Variants in CCDC91 observed in about 807,000 individuals in gnomAD.
CCDC91 encodes the protein coiled-coil domain-containing protein 91.
A neutral mutation model predicts 63.2 loss-of-function variants in CCDC91; 48 were observed. The observed-to-expected ratio is 0.76, with a 90% CI of 0.60 to 0.97. The LOEUF (loss-of-function observed/expected upper bound fraction) is 0.97. CCDC91 is among the 50% of genes least tolerant of loss of function. CCDC91 has a pLI of 0.00. For synonymous variants in CCDC91, 167 were observed against 165.8 expected (o/e 1.01, Z -0.06); for missense variants, 500 against 494.6 (o/e 1.01, Z -0.10).
At chr12:28,458,947 CTA>C (rs1566006830) in intron 11 of CCDC91, among the ~76,000 whole-genome samples, 1 of 151,956 alleles carries the variant, frequency 6.6e-6, no homozygotes, top group East Asian at 1.9e-4. Context: ...TCCCTGTAGC[CTA>C]TAAGATAAAA....
At chr12:28,459,122 T>C (rs188498856) in intron 11 of CCDC91, among the ~76,000 whole-genome samples, 549 of 152,212 alleles carry the variant, frequency 3.6e-3, no homozygotes, top group Middle Eastern at 0.014. Flanking sequence ...TGGGCCTTGG[T>C]TCATACTGCA....
chr12:28,469,167 G>A (rs1342056965), intron 11 of CCDC91, among the ~76,000 whole-genome samples: 2 of 151,888 alleles, frequency 1.3e-5, no homozygotes, highest in African/African-American at 4.8e-5. Flanking sequence ...TTTTGCAGAT[G>A]ATTTTATATT....
At chr12:28,220,262 T>A (rs1943846914) in intron 1 of CCDC91, among the ~76,000 whole-genome samples, 2 of 152,070 alleles carry the variant, frequency 1.3e-5, no homozygotes, top group South Asian at 4.1e-4. Context: ...TGTATATCTT[T>A]GCTAATTAAT....
intron 6 of CCDC91, among the ~76,000 whole-genome samples, chr12:28,322,560 G>A (rs1383014616): frequency 2.6e-5 from 4 of 151,128 alleles, no homozygotes; most frequent in Admixed American, 6.6e-5. Context: ...TTTAGTATGC[G>A]TATATTTTCT....
In CCDC91 at chr12:28,344,016, A is replaced by AT. The variant is rs1457371259; in HGVS notation, c.577-18416dup. Among the ~76,000 whole-genome samples the AT allele has an allele frequency of 5.3e-5, 8 of 152,042 alleles. No homozygotes were observed. The East Asian group carries it at 1.5e-3, about 29-fold the overall frequency. On this transcript the variant is annotated intron_variant, in intron 6 of 12. Transcript: ENST00000536442. The stretch of plus-strand genomic sequence containing the variant: ...ATTCATATTTTATAAGTCACAAATA[A>AT]TTTTTTCTGGTATTTTAAATTCATA...
intron 1 of CCDC91, among the ~76,000 whole-genome samples, chr12:28,201,810 G>A (rs1182958948): frequency 6.9e-6 from 1 of 144,952 alleles, no homozygotes; most frequent in Non-Finnish European, 1.6e-5. Flanking sequence ...CGGATCACTC[G>A]CGGCTAGGAG....
chr12:28,337,241 A>G (rs1942051543), intron 6 of CCDC91, among the ~76,000 whole-genome samples: 1 of 152,156 alleles, frequency 6.6e-6, no homozygotes, highest in South Asian at 2.1e-4. Flanking sequence ...ATTTTCCATA[A>G]TACTTCCACC....
chr12:28,410,686 T>C (rs1947262936), intron 8 of CCDC91, among the ~76,000 whole-genome samples: 1 of 152,070 alleles, frequency 6.6e-6, no homozygotes, highest in Non-Finnish European at 1.5e-5. Flanking sequence ...CATGCCTGGC[T>C]AATTTTTGTA....
intron 3 of CCDC91, among the ~76,000 whole-genome samples, chr12:28,275,315 A>G (rs1489320734): frequency 6.6e-6 from 1 of 152,164 alleles, no homozygotes; most frequent in Non-Finnish European, 1.5e-5. Flanking sequence ...AGAAATACAA[A>G]CTACCATCAG....
At chr12:28,291,723 A>C (rs1254154764) in intron 3 of CCDC91, among the ~76,000 whole-genome samples, 1 of 152,224 alleles carries the variant, frequency 6.6e-6, no homozygotes, top group East Asian at 1.9e-4. Context: ...AGAAGACAAC[A>C]CTTCAAAATG....
intron 7 of CCDC91, among the ~76,000 whole-genome samples, chr12:28,384,320 A>C (rs1945470778): frequency 6.6e-6 from 1 of 152,146 alleles, no homozygotes; most frequent in Admixed American, 6.5e-5. Context: ...GTAAAAACAT[A>C]AACTCATGTA....
rs1014006513 is a variant in CCDC91, at chr12:28,499,427, T to C, written c.1215+15262T>C. 8.6e-5 allele frequency among the ~76,000 whole-genome samples: 13 copies of C among 151,860 alleles called. 1 individual carries two copies. The highest frequency in any genetic ancestry group is 8.6e-4 in the Admixed American group (13 of 15,200). On this transcript the variant is annotated intron_variant, in intron 12 of 12. Coordinates refer to ENST00000536442, the MANE Select transcript of CCDC91 (RefSeq NM_018318.5). ...AATGTGCAGGTTTGTTTCATAGGTATACATGTGCCATAGTGGTTTGCTGCA... is the reference window on the plus strand; with the variant it reads ...AATGTGCAGGTTTGTTTCATAGGTACACATGTGCCATAGTGGTTTGCTGCA...
At chr12:28,290,464 C>T (rs1949177614) in intron 3 of CCDC91, among the ~76,000 whole-genome samples, 1 of 152,100 alleles carries the variant, frequency 6.6e-6, no homozygotes, top group Non-Finnish European at 1.5e-5. Context: ...TCCAGCTTGC[C>T]ACTCTGTGCC....
intron 3 of CCDC91, among the ~76,000 whole-genome samples, chr12:28,277,493 T>C (rs1402367718): frequency 6.6e-6 from 1 of 152,064 alleles, no homozygotes; most frequent in African/African-American, 2.4e-5. Context: ...TGTGAAATGC[T>C]CCAAAATCCA....
At chr12:28,519,579 T>A (rs187112172) in intron 12 of CCDC91, among the ~76,000 whole-genome samples, 4 of 152,098 alleles carry the variant, frequency 2.6e-5, no homozygotes, top group Admixed American at 2.6e-4. Context: ...TTCTTTTTTT[T>A]ATTATTATAC....
At chr12:28,341,496 C>T (rs1182896140) in intron 6 of CCDC91, among the ~76,000 whole-genome samples, 1 of 152,168 alleles carries the variant, frequency 6.6e-6, no homozygotes, top group Non-Finnish European at 1.5e-5. Flanking sequence ...GGATAATCTC[C>T]CTATTTTAAA....
chr12:28,504,904 T>A (rs1443760045), intron 12 of CCDC91, among the ~76,000 whole-genome samples: 1 of 151,936 alleles, frequency 6.6e-6, no homozygotes, highest in African/African-American at 2.4e-5. Context: ...GTCATTTCAG[T>A]TTTAGAAACT....
At chr12:28,262,731 A>G (rs1946905782) in intron 3 of CCDC91, among the ~76,000 whole-genome samples, 1 of 152,024 alleles carries the variant, frequency 6.6e-6, no homozygotes. Flanking sequence ...TATCTCCTTA[A>G]GTTATGATAT....
intron 6 of CCDC91, among the ~76,000 whole-genome samples, chr12:28,361,203 T>C (rs1943855517): frequency 1.3e-5 from 2 of 151,950 alleles, no homozygotes; most frequent in African/African-American, 4.8e-5. Context: ...TATTATACTT[T>C]AAGTTTTAGG....
Sources: gnomAD v4.1 joint callset for allele counts (sites outside exome capture counted in the v4.1 genomes callset) on GRCh38, gnomAD v4.1.1 for gene constraint, MANE v1.5 for transcripts, NCBI Gene and HGNC (gene_info 2026-07-23, HGNC 2026-07-21) for gene names.